ZNF469: variants seen among roughly 807,000 people sequenced by gnomAD.
ZNF469 encodes the protein zinc finger protein 469.
In ZNF469, 1 loss-of-function variant was observed where a neutral mutation model predicts 1.0. That is an observed-to-expected ratio of 1.00 (90% confidence interval 0.35 to 4.73). The LOEUF is 4.73. ZNF469 is among the 30% of genes most tolerant of loss of function. ZNF469 has a pLI of 0.16. For missense variants in ZNF469, 6,100 were observed against 5,356.3 expected (o/e 1.14, Z -4.33); for synonymous variants, 2,703 against 2,363.4 (o/e 1.14, Z -4.17).
the ZNF469 span, among the ~76,000 whole-genome samples, chr16:88,122,418 C>G: frequency 6.7e-6 from 1 of 149,558 alleles, no homozygotes; most frequent in African/African-American, 2.5e-5. Context: ...ACAGCCATGG[C>G]GGCCACTCGG....
At chr16:88,175,409 A>G in the ZNF469 span, among the ~76,000 whole-genome samples, 1 of 152,258 alleles carries the variant, frequency 6.6e-6, no homozygotes, top group Non-Finnish European at 1.5e-5. Context: ...TAAACATGGA[A>G]CATTCATCAA....
At chr16:88,112,979 C>T in the ZNF469 span, among the ~76,000 whole-genome samples, 23 of 151,950 alleles carry the variant, frequency 1.5e-4, no homozygotes, top group South Asian at 4.2e-4. Context: ...GGGGTTTCAC[C>T]GTGTTAGCCA....
chr16:88,414,258 C>T (rs942262685), intron 1 of ZNF469, among the ~76,000 whole-genome samples: 11 of 152,350 alleles, frequency 7.2e-5, no homozygotes, highest in East Asian at 1.9e-4. Flanking sequence ...AGGTCGGACA[C>T]GGCCACAGAT....
chr16:88,410,008 C>G (rs183128401), intron 1 of ZNF469, among the ~76,000 whole-genome samples: 1 of 151,620 alleles, frequency 6.6e-6, no homozygotes, highest in African/African-American at 2.4e-5. Context: ...GCCGAGTGTT[C>G]CAGTGGACGA....
chr16:88,310,605 CAG>C, the ZNF469 span, among the ~76,000 whole-genome samples: 3 of 151,194 alleles, frequency 2.0e-5, no homozygotes, highest in South Asian at 6.3e-4. Flanking sequence ...CTTTCTGAGA[CAG>C]AGTCTCGCTC....
At chr16:88,224,589 G>A in the ZNF469 span, among the ~76,000 whole-genome samples, 28 of 152,338 alleles carry the variant, frequency 1.8e-4, no homozygotes, top group South Asian at 4.1e-4. Context: ...AGACTGAGGC[G>A]CAGAGAGGCT....
the ZNF469 span, among the ~76,000 whole-genome samples, chr16:88,191,963 G>A: frequency 6.6e-6 from 1 of 152,188 alleles, no homozygotes; most frequent in Non-Finnish European, 1.5e-5. Flanking sequence ...TTTGGAGGGG[G>A]GGACTTTGGA....
chr16:88,435,586 G>A lies in ZNF469; in HGVS notation c.8116G>A (p.Ala2706Thr), dbSNP rs902257387. 6.5e-7 allele frequency: 1 copy of A among 1,550,052 alleles called. No individual in the cohort carries two copies. The highest frequency in any genetic ancestry group is 2.4e-5 in the East Asian group (1 of 40,920). The stretch of plus-strand genomic sequence containing the variant: ...TCTGGGACCTGGGGTGATGGAGGGT[G>A]CAGCGGAGACTGACCAGGAGGCTCT... ...ATLGPGVMEG[A>T]AETDQEALCA... The change falls in exon 3 of 3, where the codon GCA (alanine) becomes ACA (threonine). Residue 2706 changes from alanine to threonine, a missense_variant. By Grantham distance (58) the Ala-to-Thr change is moderately conservative. Coordinates refer to ENST00000565624, the MANE Select transcript of ZNF469 (RefSeq NM_001367624.2).
chr16:88,412,290 T>G (rs1041699705), intron 1 of ZNF469, among the ~76,000 whole-genome samples: 2 of 152,208 alleles, frequency 1.3e-5, no homozygotes, highest in African/African-American at 4.8e-5. Context: ...AGCCACCCAG[T>G]GCCCACCTTC....
At chr16:88,307,758 T>C in the ZNF469 span, among the ~76,000 whole-genome samples, 1 of 152,236 alleles carries the variant, frequency 6.6e-6, no homozygotes, top group Non-Finnish European at 1.5e-5. Flanking sequence ...ATTGGATATA[T>C]GGTTTGCAAA....
the ZNF469 span, among the ~76,000 whole-genome samples, chr16:88,275,834 G>C: frequency 6.6e-6 from 1 of 152,316 alleles, no homozygotes; most frequent in South Asian, 2.1e-4. Flanking sequence ...ACCCCCCCAG[G>C]AGGCGGGGCA....
chr16:88,366,621 C>G, the ZNF469 span, among the ~76,000 whole-genome samples: 9 of 48,186 alleles, frequency 1.9e-4, no homozygotes, highest in African/African-American at 3.2e-4. Flanking sequence ...CCATCATCAC[C>G]ACTATCAGCA....
chr16:88,247,799 G>A, the ZNF469 span, among the ~76,000 whole-genome samples: 1 of 152,010 alleles, frequency 6.6e-6, no homozygotes, highest in African/African-American at 2.4e-5. Flanking sequence ...GTAAATGAGT[G>A]AATGAGTGAG....
the ZNF469 span, among the ~76,000 whole-genome samples, chr16:88,125,266 ATATCTT>A: frequency 6.6e-6 from 1 of 152,204 alleles, no homozygotes; most frequent in Admixed American, 6.5e-5. Flanking sequence ...GTTTTATACT[ATATCTT>A]AAGATAGTAT....
At chr16:88,173,265 C>G in the ZNF469 span, among the ~76,000 whole-genome samples, 13 of 152,156 alleles carry the variant, frequency 8.5e-5, no homozygotes, top group Non-Finnish European at 1.8e-4. Flanking sequence ...ATATGAGAGA[C>G]AGCAGATCTC....
chr16:88,366,188 T>C, the ZNF469 span, among the ~76,000 whole-genome samples: 1 of 148,938 alleles, frequency 6.7e-6, no homozygotes, highest in Admixed American at 6.6e-5. Flanking sequence ...ATCATCACTA[T>C]AACCATTTTC....
chr16:88,182,522 T>C, the ZNF469 span, among the ~76,000 whole-genome samples: 159 of 152,088 alleles, frequency 1.0e-3, no homozygotes, highest in Non-Finnish European at 1.8e-3. Context: ...AACAGTGTGA[T>C]ATTGTCATAA....
At chr16:88,376,971 G>T in the ZNF469 span, among the ~76,000 whole-genome samples, 1 of 152,220 alleles carries the variant, frequency 6.6e-6, no homozygotes, top group Non-Finnish European at 1.5e-5. Context: ...GGCTCTGCCC[G>T]CTCATGCCGC....
At chr16:88,423,069 T>C (rs1238802663) in intron 1 of ZNF469, among the ~76,000 whole-genome samples, 5 of 137,658 alleles carry the variant, frequency 3.6e-5, no homozygotes, top group African/African-American at 1.4e-4. Context: ...AGATGATGGA[T>C]GGGTAGATAG....
Sources: allele counts gnomAD v4.1 joint callset (sites outside exome capture counted in the v4.1 genomes callset), GRCh38; gene constraint gnomAD v4.1.1; transcripts MANE v1.5; gene names NCBI Gene and HGNC (gene_info 2026-07-23, HGNC 2026-07-21).